The following NIM1K variants were observed in gnomAD, a reference collection of about 807,000 sequenced individuals.
The protein encoded by NIM1K is serine/threonine-protein kinase NIM1.
Under a neutral mutation model 37.1 loss-of-function variants are expected in NIM1K, and 35 were observed. The ratio of observed to expected loss-of-function variants is 0.94; its 90% CI spans 0.72 to 1.25. The LOEUF (loss-of-function observed/expected upper bound fraction) is 1.25. NIM1K is among the 50% of genes most tolerant of loss of function. The probability of loss-of-function intolerance (pLI) is 0.00; values close to 1 mark genes in which losing one functional copy is unlikely to be tolerated. For missense variants in NIM1K, 564 were observed against 548.0 expected (o/e 1.03, Z -0.29); for synonymous variants, 234 against 206.6 (o/e 1.13, Z -1.14).
At chr5:43,269,917 CAT>C (rs1295658756) in intron 2 of NIM1K, among the ~76,000 whole-genome samples, 1 of 151,898 alleles carries the variant, frequency 6.6e-6, no homozygotes, top group African/African-American at 2.4e-5. Flanking sequence ...CGTGCCCGGC[CAT>C]GTGTGTGTGT....
intron 2 of NIM1K, among the ~76,000 whole-genome samples, chr5:43,256,470 C>T (rs1752948367): frequency 6.6e-6 from 1 of 152,144 alleles, no homozygotes; most frequent in Non-Finnish European, 1.5e-5. Flanking sequence ...GTAGGAGAAG[C>T]AGGTTTGGGT....
chr5:43,229,790 C>T (rs1444425072), intron 1 of NIM1K, among the ~76,000 whole-genome samples: 2 of 151,890 alleles, frequency 1.3e-5, no homozygotes, highest in African/African-American at 4.8e-5. Flanking sequence ...GCTCATGCCA[C>T]CATGCCCAAC....
At chr5:43,271,408 A>G (rs1321937099) in intron 2 of NIM1K, among the ~76,000 whole-genome samples, 1 of 152,148 alleles carries the variant, frequency 6.6e-6, no homozygotes, top group Non-Finnish European at 1.5e-5. Context: ...TTTTATATTT[A>G]TTTGTGATTA....
chr5:43,258,540 T>G (rs1239860311), intron 2 of NIM1K, among the ~76,000 whole-genome samples: 1 of 151,970 alleles, frequency 6.6e-6, no homozygotes, highest in African/African-American at 2.4e-5. Flanking sequence ...TTTCTGTATT[T>G]GAGTGATCCT....
intron 1 of NIM1K, among the ~76,000 whole-genome samples, chr5:43,241,575 G>A (rs193220246): frequency 4.0e-4 from 60 of 151,828 alleles, no homozygotes; most frequent in Admixed American, 1.3e-4. Flanking sequence ...TCTTGACCTC[G>A]TGATCCCCCA....
intron 1 of NIM1K, chr5:43,206,699 C>A (rs894483445): frequency 7.2e-6 from 5 of 698,790 alleles, no homozygotes; most frequent in African/African-American, 5.3e-5. Context: ...TGGCACAGGG[C>A]CTCGCCTCAC....
chr5:43,208,532 G>C (rs1006522921), intron 1 of NIM1K, among the ~76,000 whole-genome samples: 1 of 151,978 alleles, frequency 6.6e-6, no homozygotes, highest in Non-Finnish European at 1.5e-5. Flanking sequence ...GAACCAGGAA[G>C]TGGAGGTTGC....
At chr5:43,252,560 T>C (rs1422447780) in intron 2 of NIM1K, among the ~76,000 whole-genome samples, 1 of 113,632 alleles carries the variant, frequency 8.8e-6, no homozygotes, top group African/African-American at 3.4e-5. Context: ...CCCAGGACAG[T>C]AGTCTAAAAA....
intron 1 of NIM1K, among the ~76,000 whole-genome samples, chr5:43,204,327 G>A (rs911517856): frequency 1.8e-4 from 27 of 150,434 alleles, no homozygotes; most frequent in African/African-American, 4.6e-4. Context: ...CAAGTGATTC[G>A]CCCACCTCAG....
intron 1 of NIM1K, among the ~76,000 whole-genome samples, chr5:43,214,191 T>TAA (rs1466038218): frequency 1.3e-5 from 2 of 152,176 alleles, no homozygotes; most frequent in Non-Finnish European, 2.9e-5. Flanking sequence ...CACTCACTTT[T>TAA]ACACACATGG....
intron 1 of NIM1K, among the ~76,000 whole-genome samples, chr5:43,201,464 A>C (rs1003242620): frequency 1.3e-5 from 2 of 152,016 alleles, no homozygotes; most frequent in African/African-American, 4.8e-5. Context: ...TTCTTTGAAG[A>C]CTAACAACAA....
At chr5:43,201,357 G>A (rs1054139840) in intron 1 of NIM1K, among the ~76,000 whole-genome samples, 2 of 150,638 alleles carry the variant, frequency 1.3e-5, no homozygotes, top group Non-Finnish European at 3.0e-5. Flanking sequence ...TGCAGTGAGC[G>A]GAGATGGAAC....
chr5:43,221,495 GA>G (rs1752381093), intron 1 of NIM1K, among the ~76,000 whole-genome samples: 1 of 143,204 alleles, frequency 7.0e-6, no homozygotes, highest in African/African-American at 2.6e-5. Flanking sequence ...GAAAAGAAAA[GA>G]AAAACCTTAG....
At chr5:43,205,957 C>T (rs1304264506) in intron 1 of NIM1K, among the ~76,000 whole-genome samples, 1 of 152,066 alleles carries the variant, frequency 6.6e-6, no homozygotes, top group Non-Finnish European at 1.5e-5. Context: ...TGTGATCCGC[C>T]CGCCTCGACC....
intron 1 of NIM1K, chr5:43,232,830 G>A: frequency 9.7e-7 from 1 of 1,030,666 alleles, no homozygotes; most frequent in Non-Finnish European, 1.5e-6. Context: ...CGAGGTCAGT[G>A]ATCTCCTGGC....
intron 2 of NIM1K, among the ~76,000 whole-genome samples, chr5:43,251,764 G>T (rs189002173): frequency 2.6e-5 from 4 of 152,150 alleles, no homozygotes; most frequent in Non-Finnish European, 5.9e-5. Context: ...GGCCAAAAAT[G>T]GTTGTTGCCA....
At chr5:43,211,299 C>T (rs1752200692) in intron 1 of NIM1K, among the ~76,000 whole-genome samples, 1 of 152,172 alleles carries the variant, frequency 6.6e-6, no homozygotes, top group Admixed American at 6.5e-5. Flanking sequence ...CAGAGATTAA[C>T]TTGTAAATAG....
intron 1 of NIM1K, among the ~76,000 whole-genome samples, chr5:43,198,735 C>T (rs919797222): frequency 5.9e-5 from 9 of 152,130 alleles, no homozygotes; most frequent in African/African-American, 2.2e-4. Flanking sequence ...GAAGCACAGA[C>T]CCTGAGGTCA....
At chr5:43,257,780 C>T (rs1185186922) in intron 2 of NIM1K, among the ~76,000 whole-genome samples, 3 of 149,156 alleles carry the variant, frequency 2.0e-5, no homozygotes, top group Admixed American at 6.7e-5. Flanking sequence ...TTTTTTAAGC[C>T]TCTCATGGTG....
Sources: gnomAD v4.1 joint callset for allele counts (sites outside exome capture counted in the v4.1 genomes callset) on GRCh38, gnomAD v4.1.1 for gene constraint, MANE v1.5 for transcripts, NCBI Gene and HGNC (gene_info 2026-07-23, HGNC 2026-07-21) for gene names.